ADCY7: variants seen among roughly 807,000 people sequenced by gnomAD.
ADCY7 encodes adenylate cyclase type 7.
ADCY7 carries 72 observed loss-of-function variants against 120.6 expected under a neutral mutation model. That is an observed-to-expected ratio of 0.60 (90% CI 0.49 to 0.73). The LOEUF is 0.73. ADCY7 is among the 30% of genes least tolerant of loss of function. ADCY7 has a pLI of 0.00. For synonymous variants in ADCY7, 661 were observed against 628.0 expected (o/e 1.05, Z -0.78); for missense variants, 1,227 against 1,486.0 (o/e 0.83, Z 2.87).
intron 1 of ADCY7, among the ~76,000 whole-genome samples, chr16:50,286,726 TG>T (rs1320073557): frequency 6.6e-6 from 1 of 152,164 alleles, no homozygotes; most frequent in Non-Finnish European, 1.5e-5. Context: ...CATCTGTGTG[TG>T]ATCACCTGAC....
intron 1 of ADCY7, among the ~76,000 whole-genome samples, chr16:50,270,103 G>T (rs1327359324): frequency 1.3e-5 from 2 of 152,088 alleles, no homozygotes; most frequent in Non-Finnish European, 2.9e-5. Flanking sequence ...CTTGAGCCCA[G>T]GAGGTGGAGG....
chr16:50,311,361 G>A (rs138439527), intron 19 of ADCY7, among the ~76,000 whole-genome samples: 23 of 152,192 alleles, frequency 1.5e-4, no homozygotes, highest in African/African-American at 5.5e-4. Context: ...GGTCTGCCCC[G>A]CACCTGCAAA....
chr16:50,310,339 A>C lies in ADCY7; in HGVS notation c.2161-348A>C, dbSNP rs1053374402. On this transcript the variant is annotated intron_variant, in intron 18 of 25. Coordinates refer to ENST00000673801, the MANE Select transcript of ADCY7 (RefSeq NM_001114.5). ...CTGGGGGCTGGGGAGCCACAGCACA[A>C]TCTTGAGCAGGGCAGAGGTCCTTTG... 7.7e-6 allele frequency: 7 copies of C among 912,908 alleles called. No homozygotes were observed. In the African/African-American group the frequency reaches 9.9e-5, roughly 13 times the overall value. 56.6% of individuals were successfully genotyped at this position (912,908 alleles called of 1,614,324 possible).
rs2036817576 is a variant in ADCY7, at chr16:50,316,721, CAAGGAATTGAAAGTCAACCT to C, written c.*1219_*1238del. ...TGTGTCTTACTGTGCTTCAACTTCC[CAAGGAATTGAAAGTCAACCT>C]AACTGTAACAACAGGGTGAGAAATG... On this transcript the variant is annotated 3_prime_UTR_variant, in exon 26 of 26. Coordinates refer to ENST00000673801, the MANE Select transcript of ADCY7 (RefSeq NM_001114.5). 6.6e-6 allele frequency: 1 copy of C among 152,308 alleles called. No homozygotes were observed. Among genetic ancestry groups the C allele is most frequent in the Non-Finnish European group, 1.5e-5 (1 of 68,048 alleles). The allele number at this position is 152,308 out of a possible 1,614,324, so 9.4% of individuals were successfully genotyped here. A position where few individuals can be genotyped will look rare whatever the true frequency, so the allele number is the denominator to read the frequency against.
chr16:50,311,867 T>G (rs2302679), intron 20 of ADCY7, 81 bp downstream of exon 20: 46 of 1,283,556 alleles, frequency 3.6e-5, no homozygotes, highest in Admixed American at 3.5e-5. Flanking sequence ...TGGGGTGGGG[T>G]GGGCTCAGGT....
intron 9 of ADCY7, 81 bp from the exon 10 acceptor site, chr16:50,301,001 A>G: frequency 6.4e-7 from 1 of 1,561,890 alleles, no homozygotes; most frequent in Non-Finnish European, 8.7e-7. Flanking sequence ...CCTGGGGCCC[A>G]GGCCTGCCTG....
chr16:50,267,019 G>A (rs1369906911), intron 1 of ADCY7, among the ~76,000 whole-genome samples: 2 of 152,220 alleles, frequency 1.3e-5, no homozygotes, highest in East Asian at 1.9e-4. Context: ...TCTCGAGGGT[G>A]TAATTTTACA....
intron 1 of ADCY7, among the ~76,000 whole-genome samples, chr16:50,282,753 C>A (rs1173215158): frequency 2.0e-5 from 3 of 149,280 alleles, no homozygotes; most frequent in Non-Finnish European, 4.4e-5. Flanking sequence ...ATCACCCAGG[C>A]AGGAGTGCAG....
intron 7 of ADCY7, among the ~76,000 whole-genome samples, chr16:50,294,998 T>C (rs1197093597): frequency 6.6e-6 from 1 of 152,082 alleles, no homozygotes; most frequent in Non-Finnish European, 1.5e-5. Context: ...CTGGGCGATA[T>C]ACTGGGGCTC....
intron 1 of ADCY7, among the ~76,000 whole-genome samples, chr16:50,284,049 C>T (rs906941772): frequency 1.3e-5 from 2 of 152,146 alleles, no homozygotes; most frequent in Non-Finnish European, 2.9e-5. Context: ...GAGTCGAGGG[C>T]TGGTGGAAGA....
intron 1 of ADCY7, among the ~76,000 whole-genome samples, chr16:50,246,429 C>A (rs1308605673): frequency 6.6e-6 from 1 of 151,954 alleles, no homozygotes; most frequent in Non-Finnish European, 1.5e-5. Flanking sequence ...GACCTCCTCC[C>A]TTAGGCACGG....
rs1039022323 is a variant in ADCY7, at chr16:50,297,427, C to T, written c.949-1477C>T. Reference sequence around the variant, plus strand: ...TCCATGGGCAGTCCTGTGCCTGGTCCGAGAGGAGATCAGGGTAGCTGGAGC... The same window carrying T: ...TCCATGGGCAGTCCTGTGCCTGGTCTGAGAGGAGATCAGGGTAGCTGGAGC... On this transcript the variant is annotated intron_variant, in intron 7 of 25. Transcript: ENST00000673801. The surrounding 1 kb of genome is among the most constrained non-coding windows in gnomAD (Gnocchi z 4.4). Among the ~76,000 whole-genome samples the T allele has an allele frequency of 6.6e-6, 1 of 152,146 alleles. No individual in the cohort carries two copies. The highest frequency in any genetic ancestry group is 1.5e-5 in the Non-Finnish European group (1 of 68,020).
chr16:50,307,594 G>T lies in ADCY7; in HGVS notation c.1850+447G>T, dbSNP rs185204486. 7.6e-3 allele frequency among the ~76,000 whole-genome samples: 1,163 copies of T among 152,250 alleles called. 17 individuals are homozygous for T. The highest frequency in any genetic ancestry group is 0.027 in the African/African-American group (1,123 of 41,520). ...CCTGCTGGTGGGGTATAGGGATGAG[G>T]GTGAAGTCAGAGGGAAGGGGGATCT... On this transcript the variant is annotated intron_variant, in intron 15 of 25. Transcript: ENST00000673801.
chr16:50,305,473 G>A, intron 12 of ADCY7, 30 bp from the exon 13 acceptor site: 1 of 1,603,012 alleles, frequency 6.2e-7, no homozygotes, highest in Non-Finnish European at 8.5e-7. Flanking sequence ...TGGTCGCTGT[G>A]CTGATGCAGT....
chr16:50,303,322 T>G (rs1330430767), intron 10 of ADCY7, among the ~76,000 whole-genome samples: 1 of 152,106 alleles, frequency 6.6e-6, no homozygotes, highest in African/African-American at 2.4e-5. Context: ...GGCTTAAAAA[T>G]GTTTCTATCC....
At chr16:50,259,688 T>TTAGGAGGGGCTA (rs2033008461) in intron 1 of ADCY7, among the ~76,000 whole-genome samples, 1 of 152,076 alleles carries the variant, frequency 6.6e-6, no homozygotes, top group Admixed American at 6.6e-5. Flanking sequence ...CAGCAGCGAT[T>TTAGGAGGGGCTA]TAGGAGGGGC....
In ADCY7 at chr16:50,307,042, G is replaced by T. The variant is rs756137568; in HGVS notation, c.1753-8G>T. Reference sequence around the variant, plus strand: ...GTGGCCACCCCTCACAGTCCCTGCTGCCCCCAGTACCGCCTGGCACCCATC... The same window carrying T: ...GTGGCCACCCCTCACAGTCCCTGCTTCCCCCAGTACCGCCTGGCACCCATC... On this transcript the variant is annotated splice_polypyrimidine_tract_variant and splice_region_variant and intron_variant, in intron 14 of 25. Transcript: ENST00000673801. 6.2e-6 allele frequency: 10 copies of T among 1,604,606 alleles called. No homozygotes were observed. In the South Asian group the frequency reaches 1.1e-4, roughly 18 times the overall value.
At chr16:50,257,701 T>C (rs2032954087) in intron 1 of ADCY7, among the ~76,000 whole-genome samples, 1 of 151,294 alleles carries the variant, frequency 6.6e-6, no homozygotes, top group Admixed American at 6.6e-5. Flanking sequence ...AATTGTTTTG[T>C]AAATGTCATA....
chr16:50,248,502 G>A (rs2032657603), intron 1 of ADCY7, among the ~76,000 whole-genome samples: 1 of 152,224 alleles, frequency 6.6e-6, no homozygotes, highest in Admixed American at 6.5e-5. Context: ...CACACTGCAG[G>A]CAGGCTAGGC....
Sources: allele counts gnomAD v4.1 joint callset (sites outside exome capture counted in the v4.1 genomes callset), GRCh38; gene constraint gnomAD v4.1.1; non-coding constraint Gnocchi (gnomAD v3.1); transcripts MANE v1.5; gene names NCBI Gene and HGNC (gene_info 2026-07-23, HGNC 2026-07-21).